The following HECW1 variants were observed in gnomAD, a reference collection of about 807,000 sequenced individuals.
The protein encoded by HECW1 is HECT, C2 and WW domain containing E3 ubiquitin protein ligase 1.
Under a neutral mutation model 182.3 loss-of-function variants are expected in HECW1, and 61 were observed. The ratio of observed to expected loss-of-function variants is 0.33; its 90% CI spans 0.27 to 0.41. HECW1 has a LOEUF of 0.41. Among genes scored for constraint, HECW1 ranks in the 10% least tolerant of loss-of-function variants. The pLI, the probability that HECW1 is intolerant of heterozygous loss-of-function variation, is 1.00. For synonymous variants in HECW1, 859 were observed against 832.6 expected (o/e 1.03, Z -0.55); for missense variants, 1,739 against 2,108.9 (o/e 0.82, Z 3.44).
chr7:43,369,830 A>G (rs1044804685), intron 6 of HECW1, among the ~76,000 whole-genome samples: 1 of 152,234 alleles, frequency 6.6e-6, no homozygotes, highest in African/African-American at 2.4e-5. Context: ...CGAAATGTTC[A>G]CTTTCCCTAA....
intron 12 of HECW1, among the ~76,000 whole-genome samples, chr7:43,455,071 C>T (rs1331912453): frequency 6.6e-6 from 1 of 152,216 alleles, no homozygotes; most frequent in Admixed American, 6.5e-5. Flanking sequence ...CTCACCCCAG[C>T]TCAGCCCCTG....
chr7:43,472,400 C>A (rs114820057), intron 16 of HECW1, among the ~76,000 whole-genome samples: 1,850 of 152,198 alleles, frequency 0.012, 40 homozygotes, highest in African/African-American at 0.041. Flanking sequence ...TTTCTTGTGG[C>A]AGGATTTTAA....
chr7:43,420,765 G>A (rs550229210), intron 8 of HECW1, among the ~76,000 whole-genome samples: 11 of 152,260 alleles, frequency 7.2e-5, no homozygotes, highest in Non-Finnish European at 8.8e-5. Flanking sequence ...TGGTTACACC[G>A]TGCACTACCA....
At chr7:43,551,762 G>A (rs1386666475) in intron 27 of HECW1, among the ~76,000 whole-genome samples, 2 of 152,150 alleles carry the variant, frequency 1.3e-5, no homozygotes, top group Admixed American at 1.3e-4. Context: ...ATACTGTGAG[G>A]TGGGTGGCTT....
Position 43,438,160 on chromosome 7 carries a change from G to A in HECW1, c.944+15G>A, listed in dbSNP as rs2076768175. ...CACGCCATAGGGTAAACCTGTGACT[G>A]AGATCTTACTATCACTAGGTTCCCA... On this transcript the variant is annotated intron_variant, in intron 9 of 29. Coordinates refer to ENST00000395891, the MANE Select transcript of HECW1 (RefSeq NM_015052.5). 6.2e-7 allele frequency: 1 copy of A among 1,608,148 alleles called. No homozygotes were observed. Among genetic ancestry groups the A allele is most frequent in the Non-Finnish European group, 8.5e-7 (1 of 1,175,782 alleles).
chr7:43,139,543 A>AT (rs1294397166), intron 2 of HECW1, among the ~76,000 whole-genome samples: 10 of 151,978 alleles, frequency 6.6e-5, no homozygotes, highest in African/African-American at 2.2e-4. Flanking sequence ...AACATTTAGT[A>AT]TTTTAGCATT....
intron 2 of HECW1, among the ~76,000 whole-genome samples, chr7:43,192,625 G>T (rs1352908845): frequency 6.6e-6 from 1 of 152,100 alleles, no homozygotes; most frequent in Non-Finnish European, 1.5e-5. Context: ...CTTATTTTAA[G>T]ACATTGGAAA....
chr7:43,220,738 G>T (rs2152702530), intron 2 of HECW1, among the ~76,000 whole-genome samples: 1 of 152,284 alleles, frequency 6.6e-6, no homozygotes, highest in Non-Finnish European at 1.5e-5. Flanking sequence ...TGACGTGTTG[G>T]TGCCTGGGCC....
At chr7:43,319,393 C>CAAA (rs529109893) in intron 4 of HECW1, among the ~76,000 whole-genome samples, 6 of 67,716 alleles carry the variant, frequency 8.9e-5, no homozygotes, top group Middle Eastern at 8.2e-3. Context: ...GACTCCGTCT[C>CAAA]AAAAAAAAAA....
At chr7:43,360,840 T>TG (rs756729920) in intron 5 of HECW1, 46 bp from the exon 6 acceptor site, 2 of 1,421,188 alleles carry the variant, frequency 1.4e-6, no homozygotes, top group South Asian at 2.3e-5. Context: ...TGTCTCTCCC[T>TG]GGGTTACACC....
At chr7:43,162,929 A>AAGAACATGAGTCTTAG (rs1172010176) in intron 2 of HECW1, 1 of 152,246 alleles carries the variant, frequency 6.6e-6, no homozygotes, top group Non-Finnish European at 1.5e-5. Context: ...TTTACAGATG[A>AAGAACATGAGTCTTAG]AGAACATGAG....
chr7:43,437,842 AT>A (rs961492021), intron 8 of HECW1, among the ~76,000 whole-genome samples, 160 bp from the exon 9 acceptor site: 1 of 152,084 alleles, frequency 6.6e-6, no homozygotes, highest in Non-Finnish European at 1.5e-5. Context: ...GCTGCCCCTC[AT>A]TTACTGAATA....
chr7:43,335,748 CCT>C (rs1470897006), intron 5 of HECW1, among the ~76,000 whole-genome samples: 1 of 145,964 alleles, frequency 6.9e-6, no homozygotes, highest in East Asian at 2.0e-4. Context: ...TTCCTCCTTT[CCT>C]CTCTTTCTTT....
intron 3 of HECW1, among the ~76,000 whole-genome samples, chr7:43,278,202 A>T (rs1803418453): frequency 6.6e-6 from 1 of 152,036 alleles, no homozygotes; most frequent in African/African-American, 2.4e-5. Context: ...AAAATATTCC[A>T]GCCAACATCC....
chr7:43,277,037 A>T (rs749872313), intron 3 of HECW1, among the ~76,000 whole-genome samples: 2 of 152,202 alleles, frequency 1.3e-5, no homozygotes, highest in Non-Finnish European at 2.9e-5. Flanking sequence ...GATTTTCAGG[A>T]TGCTCAGGGC....
chr7:43,299,303 G>T (rs1806441180), intron 3 of HECW1, among the ~76,000 whole-genome samples: 1 of 152,170 alleles, frequency 6.6e-6, no homozygotes, highest in Admixed American at 6.5e-5. Context: ...GAGGCCGTGG[G>T]GCTGGTACCT....
intron 6 of HECW1, among the ~76,000 whole-genome samples, chr7:43,370,888 CTTT>C (rs779010532): frequency 2.2e-5 from 3 of 135,364 alleles, no homozygotes; most frequent in Non-Finnish European, 3.2e-5. Context: ...CAATGATATT[CTTT>C]TTTTTTTTTT....
intron 3 of HECW1, among the ~76,000 whole-genome samples, chr7:43,261,557 G>A (rs939742925): frequency 6.6e-6 from 1 of 152,146 alleles, no homozygotes; most frequent in Non-Finnish European, 1.5e-5. Context: ...GTACAGGACC[G>A]GGCAGCTCTG....
At chr7:43,529,890 A>G (rs1378607003) in intron 24 of HECW1, among the ~76,000 whole-genome samples, 1 of 152,146 alleles carries the variant, frequency 6.6e-6, no homozygotes, top group Non-Finnish European at 1.5e-5. Flanking sequence ...TTCCATGAGC[A>G]GCAGAGACCA....
Sources: gnomAD v4.1 joint callset for allele counts (sites outside exome capture counted in the v4.1 genomes callset) on GRCh38, gnomAD v4.1.1 for gene constraint, MANE v1.5 for transcripts, NCBI Gene and HGNC (gene_info 2026-07-23, HGNC 2026-07-21) for gene names.